COA1: variants seen among roughly 807,000 people sequenced by gnomAD.
COA1 encodes the protein cytochrome c oxidase assembly factor 1, also known as cytochrome c oxidase assembly factor 1 homolog.
COA1 carries 13 observed loss-of-function variants against 16.0 expected under a neutral mutation model. The observed-to-expected ratio is 0.81, with a 90% CI of 0.53 to 1.29. COA1 has a LOEUF of 1.29. Ranked by LOEUF, COA1 falls within the 50% of genes most tolerant of loss-of-function variation. The probability of loss-of-function intolerance (pLI) is 0.00; values close to 1 mark genes in which losing one functional copy is unlikely to be tolerated. For synonymous variants in COA1, 65 were observed against 65.7 expected (o/e 0.99, Z 0.05); for missense variants, 179 against 177.0 (o/e 1.01, Z -0.06).
chr7:43,634,243 A>G (rs1469592543), intron 6 of COA1, among the ~76,000 whole-genome samples: 2 of 152,176 alleles, frequency 1.3e-5, no homozygotes, highest in Admixed American at 1.3e-4. Flanking sequence ...GGTTCTTGGC[A>G]TAAGAGCATG....
intron 1 of COA1, chr7:43,650,824 A>C (rs1431389921): frequency 6.6e-6 from 1 of 152,102 alleles, no homozygotes; most frequent in Non-Finnish European, 1.5e-5. Flanking sequence ...ACCAAAAAAA[A>C]AAAAAAACAG....
intron 1 of COA1, among the ~76,000 whole-genome samples, chr7:43,694,394 C>A (rs576404325): frequency 4.7e-4 from 71 of 151,990 alleles, no homozygotes; most frequent in Non-Finnish European, 8.7e-4. Context: ...CCCATTTTCT[C>A]TTGAAAACAC....
At chr7:43,638,223 CATT>C (rs1563203183), downstream of COA1, among the ~76,000 whole-genome samples, 2 of 101,970 alleles carry the variant, frequency 2.0e-5, no homozygotes, top group African/African-American at 4.5e-5. Context: ...TGTTTAAGCT[CATT>C]TTTTTTTTTT....
chr7:43,609,259 A>C (rs900661927), exon 7 of COA1: 4 of 152,280 alleles, frequency 2.6e-5, no homozygotes, highest in Non-Finnish European at 2.9e-5. Context: ...GACAGCAGGA[A>C]AGTCAGTCTC....
rs576240878 is a variant in COA1 at position 43,683,884 on chromosome 7, T to C, written c.-38-35232A>G. ...GCAACTTGAAAAAACAGTTTTATCA[T>C]ACGCATGAATTCTGTGGGTCAGTAA... On this transcript the variant is annotated intron_variant, in intron 1 of 5. Transcript: ENST00000223336. Among the ~76,000 whole-genome samples, 5 of 152,304 alleles carry C rather than the reference T, an allele frequency of 3.3e-5. No homozygotes were observed. The East Asian group carries it at 9.6e-4, about 29-fold the overall frequency.
chr7:43,624,605 A>G, intron 6 of COA1: 1 of 1,614,150 alleles, frequency 6.2e-7, no homozygotes, highest in Non-Finnish European at 8.5e-7. Flanking sequence ...TGGAAAAGGC[A>G]CTAGAAGAAG....
At chr7:43,662,844 C>T (rs1043902519) in intron 1 of COA1, among the ~76,000 whole-genome samples, 1 of 152,224 alleles carries the variant, frequency 6.6e-6, no homozygotes. Flanking sequence ...AGAATTGCCT[C>T]TCTAAGGAAC....
At chr7:43,647,687 G>T in intron 2 of COA1, 53 bp from the exon 3 acceptor site, 1 of 1,443,030 alleles carries the variant, frequency 6.9e-7, no homozygotes, top group South Asian at 1.2e-5. Context: ...TTGTGCCAAG[G>T]GGATTTGCCC....
chr7:43,697,277 C>T (rs2094560606), intron 1 of COA1, among the ~76,000 whole-genome samples: 1 of 151,980 alleles, frequency 6.6e-6, no homozygotes. Flanking sequence ...TTTAATTAAG[C>T]ATATTATATC....
intron 1 of COA1, among the ~76,000 whole-genome samples, chr7:43,668,432 C>T (rs1274580903): frequency 6.6e-6 from 1 of 152,082 alleles, no homozygotes; most frequent in East Asian, 1.9e-4. Flanking sequence ...ATAATCAGGC[C>T]AAGTATAAGA....
chr7:43,638,056 G>GAT (rs1025997276), downstream of COA1, among the ~76,000 whole-genome samples: 2 of 152,096 alleles, frequency 1.3e-5, no homozygotes, highest in Non-Finnish European at 2.9e-5. Flanking sequence ...AGACTGTAGA[G>GAT]ATTGGAATAT....
At chr7:43,679,433 T>C (rs2093672091) in intron 1 of COA1, among the ~76,000 whole-genome samples, 1 of 152,070 alleles carries the variant, frequency 6.6e-6, no homozygotes. Context: ...TAAAAGATTC[T>C]CAGGGTGACC....
intron 1 of COA1, among the ~76,000 whole-genome samples, chr7:43,679,469 CACA>C (rs910642880): frequency 2.6e-5 from 4 of 151,998 alleles, no homozygotes; most frequent in Admixed American, 2.0e-4. Context: ...CTGAGGGCCA[CACA>C]ACAAGGGCCA....
At chr7:43,697,872 C>T (rs73108685) in intron 1 of COA1, among the ~76,000 whole-genome samples, 15,328 of 152,200 alleles carry the variant, frequency 0.1, 972 homozygotes, top group Admixed American at 0.19. Flanking sequence ...GAAGCAGACA[C>T]ACCACAGCAA....
chr7:43,623,797 C>T, intron 6 of COA1: 2 of 1,608,030 alleles, frequency 1.2e-6, no homozygotes, highest in Non-Finnish European at 1.7e-6. Flanking sequence ...AAACATCTCA[C>T]AGATGAATTT....
At chr7:43,647,874 G>GCCA (rs2089854742) in intron 2 of COA1, 2 of 513,088 alleles carry the variant, frequency 3.9e-6, no homozygotes, top group South Asian at 5.1e-5. Context: ...TGGGGGCCCT[G>GCCA]CCACCCCCAG....
intron 1 of COA1, among the ~76,000 whole-genome samples, chr7:43,707,073 C>T (rs1339816455): frequency 6.6e-6 from 1 of 152,040 alleles, no homozygotes; most frequent in Non-Finnish European, 1.5e-5. Flanking sequence ...ACTCAGGAGG[C>T]TGAGGCAGGA....
At chr7:43,637,016 T>C (rs1184392457), downstream of COA1, among the ~76,000 whole-genome samples, 3 of 152,256 alleles carry the variant, frequency 2.0e-5, no homozygotes, top group African/African-American at 7.2e-5. Flanking sequence ...GCTTCTGATT[T>C]CTGGAGCACA....
At chr7:43,671,487 A>T (rs1384940161) in intron 1 of COA1, among the ~76,000 whole-genome samples, 1 of 152,210 alleles carries the variant, frequency 6.6e-6, no homozygotes, top group African/African-American at 2.4e-5. Context: ...ACGAAAAAAT[A>T]AAGAAGGTAT....
Sources: allele counts gnomAD v4.1 joint callset (sites outside exome capture counted in the v4.1 genomes callset), GRCh38; gene constraint gnomAD v4.1.1; transcripts MANE v1.5; gene names NCBI Gene and HGNC (gene_info 2026-07-23, HGNC 2026-07-21).